SGCZ: variants seen among roughly 807,000 people sequenced by gnomAD.
SGCZ encodes the protein zeta-sarcoglycan.
In SGCZ, 40 loss-of-function variants were observed where a neutral mutation model predicts 41.3. That is an observed-to-expected ratio of 0.97 (90% CI 0.75 to 1.26). SGCZ has a LOEUF of 1.26. SGCZ is among the 50% of genes most tolerant of loss of function. SGCZ has a pLI of 0.00. For missense variants in SGCZ, 552 were observed against 369.8 expected (o/e 1.49, Z -4.04); for synonymous variants, 206 against 137.5 (o/e 1.50, Z -3.49).
chr8:15,175,981 C>T (rs1379092154), intron 1 of SGCZ, among the ~76,000 whole-genome samples: 2 of 152,160 alleles, frequency 1.3e-5, no homozygotes, highest in Non-Finnish European at 2.9e-5. Flanking sequence ...CAGCATTAAA[C>T]ACCAGGATGA....
chr8:14,360,572 T>C (rs28897173), intron 2 of SGCZ, among the ~76,000 whole-genome samples: 45,557 of 151,946 alleles, frequency 0.3, 7,138 homozygotes, highest in African/African-American at 0.39. Flanking sequence ...GTGATCTGCC[T>C]GCCTCGGCCT....
chr8:14,961,477 TGAGA>T (rs369006517), intron 1 of SGCZ, among the ~76,000 whole-genome samples: 2 of 151,626 alleles, frequency 1.3e-5, no homozygotes, highest in Non-Finnish European at 2.9e-5. Flanking sequence ...TAAGGTATTT[TGAGA>T]GAGAGAGAGA....
chr8:14,773,662 T>C (rs1800314504), intron 1 of SGCZ, among the ~76,000 whole-genome samples: 1 of 152,206 alleles, frequency 6.6e-6, no homozygotes, highest in South Asian at 2.1e-4. Flanking sequence ...AACACTGCAA[T>C]GCATTCTTTT....
At chr8:14,488,411 C>A (rs1336333639) in intron 2 of SGCZ, among the ~76,000 whole-genome samples, 1 of 146,308 alleles carries the variant, frequency 6.8e-6, no homozygotes, top group Admixed American at 6.9e-5. Flanking sequence ...TCCAGCTAGA[C>A]AAAAGTTTAA....
intron 2 of SGCZ, among the ~76,000 whole-genome samples, chr8:14,431,950 T>C (rs1009304150): frequency 1.3e-5 from 2 of 152,096 alleles, no homozygotes; most frequent in Non-Finnish European, 2.9e-5. Context: ...ACTAATGATC[T>C]GGGAAATGCA....
intron 1 of SGCZ, among the ~76,000 whole-genome samples, chr8:15,087,183 C>T (rs1378032): frequency 0.053 from 8,085 of 152,114 alleles, 432 homozygotes; most frequent in East Asian, 0.28. Context: ...GTACCCAACA[C>T]ATAACCAGTG....
intron 1 of SGCZ, among the ~76,000 whole-genome samples, chr8:14,868,549 A>C (rs1366234568): frequency 6.6e-6 from 1 of 152,160 alleles, no homozygotes; most frequent in Non-Finnish European, 1.5e-5. Flanking sequence ...GACTGAATCG[A>C]GTAATTGATT....
chr8:14,836,869 C>A lies in SGCZ; in HGVS notation c.40-281943G>T, dbSNP rs544674847. On this transcript the variant is annotated intron_variant, in intron 1 of 7. Transcript: ENST00000382080. ...CCTTCTTAAAAATATCTTATGGCTACTACTTTCATGGAAAACAATATTCAC... is the reference window on the plus strand; with the variant it reads ...CCTTCTTAAAAATATCTTATGGCTAATACTTTCATGGAAAACAATATTCAC... Among the ~76,000 whole-genome samples the A allele has an allele frequency of 9.8e-4, 149 of 152,248 alleles. 1 individual carries two copies. In the Middle Eastern group the frequency reaches 0.014, roughly 14 times the overall value.
At chr8:14,984,506 G>A (rs370831119) in intron 1 of SGCZ, among the ~76,000 whole-genome samples, 1 of 151,432 alleles carries the variant, frequency 6.6e-6, no homozygotes. Context: ...ATCTGATATT[G>A]TTTTATAACA....
At chr8:14,554,960 G>GA (rs543572315) in intron 1 of SGCZ, 34 bp from the exon 2 acceptor site, 1,023 of 1,363,010 alleles carry the variant, frequency 7.5e-4, no homozygotes, top group East Asian at 4.5e-3. Context: ...GAGAAAGAAG[G>GA]AAAAAAAAAG....
intron 4 of SGCZ, among the ~76,000 whole-genome samples, chr8:14,182,834 A>T (rs937911052): frequency 2.6e-5 from 4 of 151,992 alleles, no homozygotes; most frequent in South Asian, 2.1e-4. Context: ...ACATTGTGAA[A>T]CCCCATCTCT....
intron 1 of SGCZ, among the ~76,000 whole-genome samples, chr8:15,228,794 G>A (rs1476507002): frequency 6.6e-6 from 1 of 152,154 alleles, no homozygotes; most frequent in African/African-American, 2.4e-5. Context: ...TGGCACACGA[G>A]TTCACCAATT....
intron 3 of SGCZ, among the ~76,000 whole-genome samples, chr8:14,290,110 G>A (rs898689695): frequency 1.3e-5 from 2 of 152,080 alleles, no homozygotes; most frequent in African/African-American, 2.4e-5. Context: ...AACTTGAGAT[G>A]AGGTTTGGGT....
chr8:14,837,841 T>C (rs1180820385), intron 1 of SGCZ, among the ~76,000 whole-genome samples: 1 of 152,196 alleles, frequency 6.6e-6, no homozygotes, highest in Non-Finnish European at 1.5e-5. Context: ...GCATGTGATA[T>C]TTTGATACAA....
intron 1 of SGCZ, among the ~76,000 whole-genome samples, chr8:14,687,457 T>C (rs1482897655): frequency 4.6e-5 from 7 of 151,688 alleles, no homozygotes; most frequent in Admixed American, 3.9e-4. Context: ...TGGTTTTTTG[T>C]CCTTGCGAAA....
chr8:15,237,557 C>T (rs780063578), intron 1 of SGCZ, 28 bp downstream of exon 1: 3 of 1,583,474 alleles, frequency 1.9e-6, no homozygotes, highest in South Asian at 2.3e-5. Context: ...GAGAAGCGGC[C>T]GCGAAGCCCG....
At chr8:14,523,810 GTGA>G (rs1585629555) in intron 2 of SGCZ, among the ~76,000 whole-genome samples, 1 of 152,058 alleles carries the variant, frequency 6.6e-6, no homozygotes, top group Non-Finnish European at 1.5e-5. Flanking sequence ...TTAAAAACTA[GTGA>G]TGATACGAAT....
At chr8:14,665,769 TG>T (rs1807891154) in intron 1 of SGCZ, among the ~76,000 whole-genome samples, 2 of 152,212 alleles carry the variant, frequency 1.3e-5, no homozygotes, top group African/African-American at 4.8e-5. Context: ...ATTCTTCTAA[TG>T]TCTGTGTAGA....
chr8:14,628,459 C>G (rs1236233122), intron 1 of SGCZ, among the ~76,000 whole-genome samples: 1 of 151,992 alleles, frequency 6.6e-6, no homozygotes, highest in East Asian at 1.9e-4. Context: ...AAGCTAGATC[C>G]AAAAACTGTT....
Sources: gnomAD v4.1 joint callset for allele counts (sites outside exome capture counted in the v4.1 genomes callset) on GRCh38, gnomAD v4.1.1 for gene constraint, MANE v1.5 for transcripts, NCBI Gene and HGNC (gene_info 2026-07-23, HGNC 2026-07-21) for gene names.